SRP9: variants seen among roughly 807,000 people sequenced by gnomAD.
SRP9 encodes signal recognition particle 9 kDa protein.
Under a neutral mutation model 11.7 loss-of-function variants are expected in SRP9, and 2 were observed. The ratio of observed to expected loss-of-function variants is 0.17; its 90% confidence interval spans 0.07 to 0.54. The LOEUF (loss-of-function observed/expected upper bound fraction) is 0.54. Ranked by LOEUF, SRP9 falls within the 20% of genes least tolerant of loss-of-function variation. The pLI, the probability that SRP9 is intolerant of heterozygous loss-of-function variation, is 0.94. For missense variants in SRP9, 54 were observed against 108.1 expected (o/e 0.50, Z 2.22); for synonymous variants, 27 against 35.6 (o/e 0.76, Z 0.86).
chr1:225,777,853 G>T lies in SRP9; in HGVS notation c.-88G>T, dbSNP rs1279552773. On this transcript the variant is annotated 5_prime_UTR_variant, in exon 1 of 3. Transcript: ENST00000304786. ...CGCCATCTTGGGGCTGCTGGGACTC[G>T]CGTCGGTTGGCGACTCCCGGACGTA... The T allele has an allele frequency of 1.3e-5, 17 of 1,318,092 alleles. No homozygotes were observed. The highest frequency in any genetic ancestry group is 1.8e-5 in the Non-Finnish European group (17 of 930,738). 81.6% of individuals were successfully genotyped at this position (1,318,092 alleles called of 1,614,324 possible). A position where few individuals can be genotyped will look rare whatever the true frequency, so the allele number is the denominator to read the frequency against.
At chr1:225,786,840 G>C (rs1287249168) in intron 2 of SRP9, 1 of 1,257,818 alleles carries the variant, frequency 8.0e-7, no homozygotes, top group Non-Finnish European at 1.0e-6. Flanking sequence ...TTGGTTGGTT[G>C]ATTGCTTTTT....
intron 1 of SRP9, among the ~76,000 whole-genome samples, chr1:225,780,619 A>G (rs1186951273): frequency 9.9e-5 from 15 of 152,186 alleles, no homozygotes; most frequent in African/African-American, 3.1e-4. Context: ...GTTAAGTGAT[A>G]TACCTAGTTT....
At chr1:225,784,931 G>A (rs1665874155) in intron 2 of SRP9, among the ~76,000 whole-genome samples, 1 of 152,010 alleles carries the variant, frequency 6.6e-6, no homozygotes, top group Admixed American at 6.6e-5. Context: ...GAAATCTGGG[G>A]ATTTTTTTTA....
At chr1:225,788,072 G>T (rs1257401007) in intron 2 of SRP9, among the ~76,000 whole-genome samples, 2 of 152,182 alleles carry the variant, frequency 1.3e-5, no homozygotes, top group Non-Finnish European at 2.9e-5. Context: ...CCAGCTTAAA[G>T]TTGCTGTTTT....
At chr1:225,784,306 G>A (rs1222791989) in intron 2 of SRP9, among the ~76,000 whole-genome samples, 1 of 124,882 alleles carries the variant, frequency 8.0e-6, no homozygotes, top group Admixed American at 1.1e-4. Context: ...GAGTGCAGTG[G>A]TGTGATCTCG....
At chr1:225,781,525 G>A (rs1176616812) in intron 1 of SRP9, among the ~76,000 whole-genome samples, 2 of 148,680 alleles carry the variant, frequency 1.3e-5, no homozygotes, top group African/African-American at 5.0e-5. Context: ...TCAGCCTCCC[G>A]AGTAGCTGGG....
rs1233569230 is a variant in SRP9, at chr1:225,783,341, G to C, written c.114G>C (p.Leu38Phe). 6.2e-7 allele frequency: 1 copy of C among 1,612,524 alleles called. No homozygotes were observed. Among genetic ancestry groups the C allele is most frequent in the Non-Finnish European group, 8.5e-7 (1 of 1,179,126 alleles). Reference protein sequence around the residue: ...VLKYRHSDGNLCVKVTDDLVC... With the variant: ...VLKYRHSDGNFCVKVTDDLVC... ...AATATAGGCATTCTGATGGGAACTT[G>C]TGTGTTAAAGTAACAGATGATTTAG... The change falls in exon 2 of 3, where the codon TTG (leucine) becomes TTC (phenylalanine). Residue 38 changes from leucine to phenylalanine, a missense_variant. Transcript: ENST00000304786.
At position 225,777,850 on chromosome 1, in the gene SRP9, C is replaced by G. The variant is rs566406607; in HGVS notation, c.-91C>G. 4.6e-6 allele frequency: 6 copies of G among 1,293,140 alleles called. No homozygotes were observed. The Admixed American group carries it at 9.5e-5, about 20-fold the overall frequency. 80.1% of individuals were successfully genotyped at this position (1,293,140 alleles called of 1,614,324 possible). ...CGCCGCCATCTTGGGGCTGCTGGGA[C>G]TCGCGTCGGTTGGCGACTCCCGGAC... On this transcript the variant is annotated 5_prime_UTR_variant, in exon 1 of 3. Transcript: ENST00000304786.
chr1:225,782,569 T>C (rs1320755860), intron 1 of SRP9, among the ~76,000 whole-genome samples: 1 of 152,188 alleles, frequency 6.6e-6, no homozygotes, highest in Non-Finnish European at 1.5e-5. Flanking sequence ...AAAAAAATAA[T>C]GTTCGTGGAA....
chr1:225,785,764 C>T (rs1665896965), intron 2 of SRP9, among the ~76,000 whole-genome samples: 1 of 151,382 alleles, frequency 6.6e-6, no homozygotes, highest in East Asian at 2.0e-4. Flanking sequence ...CTCACTGCAA[C>T]CTCTGCCTTC....
intron 1 of SRP9, among the ~76,000 whole-genome samples, chr1:225,780,789 A>G (rs1467319359): frequency 6.6e-6 from 1 of 152,148 alleles, no homozygotes; most frequent in Non-Finnish European, 1.5e-5. Flanking sequence ...GATTATACCC[A>G]GTATCTTTTT....
At chr1:225,784,808 C>G (rs1326272516) in intron 2 of SRP9, among the ~76,000 whole-genome samples, 3 of 151,964 alleles carry the variant, frequency 2.0e-5, no homozygotes, top group Admixed American at 6.5e-5. Context: ...TGCCACTGCA[C>G]TCCAGCCTGG....
intron 2 of SRP9, 73 bp from the exon 3 acceptor site, chr1:225,789,167 C>A: frequency 6.4e-7 from 1 of 1,558,782 alleles, no homozygotes; most frequent in South Asian, 1.2e-5. Context: ...AAAATTTTAC[C>A]CAATTGTATG....
chr1:225,780,317 TGGCTTGACTGATA>T, intron 1 of SRP9, among the ~76,000 whole-genome samples: 1 of 151,926 alleles, frequency 6.6e-6, no homozygotes. Context: ...CCATGGCGCC[TGGCTTGACTGATA>T]TGTTGAGAGG....
chr1:225,778,498 G>A (rs1665730185), intron 1 of SRP9, among the ~76,000 whole-genome samples: 1 of 152,190 alleles, frequency 6.6e-6, no homozygotes, highest in Non-Finnish European at 1.5e-5. Context: ...TAGTATTTTG[G>A]GAGTCACAGG....
intron 2 of SRP9, among the ~76,000 whole-genome samples, chr1:225,785,916 C>T (rs1450858818): frequency 6.6e-6 from 1 of 151,870 alleles, no homozygotes; most frequent in Non-Finnish European, 1.5e-5. Context: ...GAACTCCTGA[C>T]CTCAAGCGAT....
intron 1 of SRP9, among the ~76,000 whole-genome samples, chr1:225,783,053 T>G (rs1575952523): frequency 6.7e-6 from 1 of 150,006 alleles, no homozygotes; most frequent in Non-Finnish European, 1.5e-5. Context: ...GTTCAGTACA[T>G]CTCTTCAAAC....
intron 1 of SRP9, among the ~76,000 whole-genome samples, chr1:225,782,639 A>G (rs1665823212): frequency 6.6e-6 from 1 of 152,252 alleles, no homozygotes; most frequent in Admixed American, 6.5e-5. Flanking sequence ...GGCAATCTGT[A>G]GAATATTGAA....
intron 1 of SRP9, among the ~76,000 whole-genome samples, chr1:225,782,551 A>G (rs1665821510): frequency 6.6e-6 from 1 of 152,192 alleles, no homozygotes; most frequent in African/African-American, 2.4e-5. Context: ...GCTTGAATCC[A>G]TCACTGAAAA....
Sources: gnomAD v4.1 joint callset for allele counts (sites outside exome capture counted in the v4.1 genomes callset) on GRCh38, gnomAD v4.1.1 for gene constraint, MANE v1.5 for transcripts, NCBI Gene and HGNC (gene_info 2026-07-23, HGNC 2026-07-21) for gene names.